The following C6orf15 variants were observed in gnomAD, a reference collection of about 807,000 sequenced individuals.
The protein encoded by C6orf15 is chromosome 6 open reading frame 15, also known as uncharacterized protein C6orf15.
C6orf15 carries 5 observed loss-of-function variants against 2.8 expected under a neutral mutation model. That is an observed-to-expected ratio of 1.80 (90% CI 0.94 to 3.78). C6orf15 has a LOEUF of 3.78. Among genes scored for constraint, C6orf15 ranks in the 30% most tolerant of loss-of-function variants. The pLI is 0.00. For synonymous variants in C6orf15, 145 were observed against 163.2 expected, an observed-to-expected ratio of 0.89 and a Z score of 0.85; for missense variants, 363 against 418.8, an observed-to-expected ratio of 0.87 and a Z score of 1.16.
In C6orf15 at chr6:31,111,279, G is replaced by A. The variant is rs1020170515; in HGVS notation, c.*102C>T. On this transcript the variant is annotated 3_prime_UTR_variant, in exon 2 of 2. Transcript: ENST00000259870. ...AGCAGGGGAGGCACTGAAAAGTGGG[G>A]ATAGTGCTGGAAACATGCTGACAGG... 8 of 1,046,738 alleles carry A rather than the reference G, an allele frequency of 7.6e-6. No individual in the cohort carries two copies. Among genetic ancestry groups the A allele is most frequent in the Non-Finnish European group, 1.1e-5 (8 of 733,488 alleles). 64.8% of individuals were successfully genotyped at this position (1,046,738 alleles called of 1,614,324 possible). A position where few individuals can be genotyped will look rare whatever the true frequency, so the allele number is the denominator to read the frequency against.
At position 31,112,474 on chromosome 6, in the gene C6orf15, T is replaced by A; in HGVS notation, c.67+15A>T. 6.5e-7 allele frequency: 1 copy of A among 1,546,886 alleles called. No homozygotes were observed. Among genetic ancestry groups the A allele is most frequent in the East Asian group, 2.4e-5 (1 of 41,188 alleles). ...CTCCAGTCCCTCCTGCCCAAGGGCATCACGGCCTCCATACCTGGGAGATGA... is the reference window on the plus strand; with the variant it reads ...CTCCAGTCCCTCCTGCCCAAGGGCAACACGGCCTCCATACCTGGGAGATGA... On this transcript the variant is annotated intron_variant, in intron 1 of 1. Transcript: ENST00000259870.
intron 1 of C6orf15, 29 bp from the exon 2 acceptor site, chr6:31,112,320 G>T (rs757615569): frequency 2.5e-6 from 4 of 1,581,584 alleles, no homozygotes; most frequent in African/African-American, 1.3e-5. Flanking sequence ...AAAGCAACCA[G>T]TGGTCTCCAG....
In C6orf15 at chr6:31,112,277, T is replaced by C. The variant is rs1771830046; in HGVS notation, c.82A>G (p.Ser28Gly). 1.2e-6 allele frequency: 2 copies of C among 1,611,514 alleles called. No homozygotes were observed. Among genetic ancestry groups the C allele is most frequent in the Non-Finnish European group, 1.7e-6 (2 of 1,178,652 alleles). ...ACTTTCTCCTCCACAACACCGATGC[T>C]CCGGGCAAAGAGGCCTGAGGGAAAG... ...CLHLPGLFAR[S>G]IGVVEEKVSQ... Residue 28 changes from serine (S) to glycine (G), a missense_variant, in exon 2 of 2, where the codon AGC (serine) becomes GGC (glycine). Coordinates refer to ENST00000259870, the MANE Select transcript of C6orf15 (RefSeq NM_014070.3).
At chr6:31,112,320 G>A in intron 1 of C6orf15, 29 bp from the exon 2 acceptor site, 1 of 1,581,584 alleles carries the variant, frequency 6.3e-7, no homozygotes, top group Non-Finnish European at 8.6e-7. Context: ...AAAGCAACCA[G>A]TGGTCTCCAG....
Position 31,111,745 on chromosome 6 carries a change from G to A in C6orf15, c.614C>T (p.Pro205Leu), listed in dbSNP as rs1022704653. The A allele has an allele frequency of 8.1e-6, 13 of 1,612,488 alleles. No individual in the cohort carries two copies. The highest frequency in any genetic ancestry group is 1.1e-5 in the Non-Finnish European group (13 of 1,179,720). The change falls in exon 2 of 2, where the codon CCT (proline) becomes CTT (leucine). Residue 205 changes from proline (P) to leucine (L), a missense_variant. Coordinates refer to ENST00000259870, the MANE Select transcript of C6orf15 (RefSeq NM_014070.3). ...PPWSLIHRVL[P>L]DHPWGTLNPS... ...ATTCAGGGTACCCCAGGGGTGATCAGGCAGAACCCTGTGGATGAGAGACCA... is the reference window on the plus strand; with the variant it reads ...ATTCAGGGTACCCCAGGGGTGATCAAGCAGAACCCTGTGGATGAGAGACCA...
rs1312940794 is a variant in C6orf15 at position 31,112,528 on chromosome 6, C to T, written c.28G>A (p.Ala10Thr). Residue 10 changes from alanine (A) to threonine (T), a missense_variant, in exon 1 of 2, where the codon GCT becomes ACT. By Grantham distance (58) the Ala-to-Thr change is moderately conservative. Coordinates refer to ENST00000259870, the MANE Select transcript of C6orf15 (RefSeq NM_014070.3). Reference sequence around the variant, plus strand: ...CAGACCAGGAGCAGGCCCAGAGGAGCGCAGCTCCCTGCCACGCGGCCCTGC... The same window carrying T: ...CAGACCAGGAGCAGGCCCAGAGGAGTGCAGCTCCCTGCCACGCGGCCCTGC... The part of the protein sequence containing the change: MQGRVAGSC[A>T]PLGLLLVCLH... 2.1e-5 allele frequency: 33 copies of T among 1,551,246 alleles called. No individual in the cohort carries two copies. Among genetic ancestry groups the T allele is most frequent in the African/African-American group, 5.5e-5 (4 of 73,094 alleles).
At position 31,111,742 on chromosome 6, in the gene C6orf15, T is replaced by G; in HGVS notation, c.617A>C (p.Asp206Ala). The G allele has an allele frequency of 6.2e-7, 1 of 1,611,894 alleles. No homozygotes were observed. Among genetic ancestry groups the G allele is most frequent in the East Asian group, 2.2e-5 (1 of 44,834 alleles). The change falls in exon 2 of 2, where the codon GAT (aspartate) becomes GCT (alanine). Residue 206 changes from aspartate (D) to alanine (A), a missense_variant. Asp to Ala is a moderately radical substitution (Grantham distance 126). Transcript: ENST00000259870. Reference sequence around the variant, plus strand: ...GGGATTCAGGGTACCCCAGGGGTGATCAGGCAGAACCCTGTGGATGAGAGA... The same window carrying G: ...GGGATTCAGGGTACCCCAGGGGTGAGCAGGCAGAACCCTGTGGATGAGAGA... The part of the protein sequence containing the change: ...PWSLIHRVLP[D>A]HPWGTLNPSV...
intron 1 of C6orf15, 96 bp from the exon 2 acceptor site, chr6:31,112,387 G>A (rs1361300212): frequency 2.0e-6 from 3 of 1,465,812 alleles, no homozygotes; most frequent in Non-Finnish European, 2.8e-6. Context: ...TTTTCCCTCA[G>A]GGACCTAAAT....
In C6orf15 at chr6:31,111,319, C is replaced by T; in HGVS notation, c.*62G>A. 3 of 1,438,764 alleles carry T rather than the reference C, an allele frequency of 2.1e-6. No individual in the cohort carries two copies. The highest frequency in any genetic ancestry group is 4.5e-5 in the Admixed American group (2 of 44,398). 89.1% of individuals were successfully genotyped at this position (1,438,764 alleles called of 1,614,324 possible). A position where few individuals can be genotyped will look rare whatever the true frequency, so the allele number is the denominator to read the frequency against. On this transcript the variant is annotated 3_prime_UTR_variant, in exon 2 of 2. Transcript: ENST00000259870. ...ATGCTGACAGGGCCTGGATTGAGCC[C>T]ACACAGCAAGGGGCGGGAGCAGGAC...
Position 31,111,379 on chromosome 6 carries a change from C to T in C6orf15, c.*2G>A. The T allele has an allele frequency of 6.3e-7, 1 of 1,591,708 alleles. No homozygotes were observed. Among genetic ancestry groups the T allele is most frequent in the Non-Finnish European group, 8.6e-7 (1 of 1,165,542 alleles). Reference sequence around the variant, plus strand: ...CAATGTTGGGTTTCCCTCTATCGTGCTCTAGCCCCACTGCAACCTAGGGCT... The same window carrying T: ...CAATGTTGGGTTTCCCTCTATCGTGTTCTAGCCCCACTGCAACCTAGGGCT... On this transcript the variant is annotated 3_prime_UTR_variant, in exon 2 of 2. Coordinates refer to ENST00000259870, the MANE Select transcript of C6orf15 (RefSeq NM_014070.3).
Position 31,112,195 on chromosome 6 carries a change from G to C in C6orf15, c.164C>G (p.Pro55Arg). 6.2e-7 allele frequency: 1 copy of C among 1,614,146 alleles called. No individual in the cohort carries two copies. The highest frequency in any genetic ancestry group is 8.5e-7 in the Non-Finnish European group (1 of 1,180,018). The change falls in exon 2 of 2, where the codon CCC (proline) becomes CGC (arginine). Residue 55 changes from proline (P) to arginine (R), a missense_variant. Pro to Arg is a moderately radical substitution (Grantham distance 103). Coordinates refer to ENST00000259870, the MANE Select transcript of C6orf15 (RefSeq NM_014070.3). ...GGGCTGCGGATGTTCAGAGTTAGAG[G>C]GGCCAGTGGAGGAAGGTTGTCCGAG... The part of the protein sequence containing the change: ...PQLGQPSSTG[P>R]SNSEHPQPAL...
chr6:31,112,270 C>T lies in C6orf15; in HGVS notation c.89G>A (p.Gly30Asp), dbSNP rs1406487791. 1 of 1,612,194 alleles carries T rather than the reference C, an allele frequency of 6.2e-7. No homozygotes were observed. Among genetic ancestry groups the T allele is most frequent in the Middle Eastern group, 1.7e-4 (1 of 6,050 alleles). ...TTGGGAAACTTTCTCCTCCACAACA[C>T]CGATGCTCCGGGCAAAGAGGCCTGA... is the stretch of plus-strand genomic sequence containing the variant. ...HLPGLFARSI[G>D]VVEEKVSQNL... The change falls in exon 2 of 2, where the codon GGT becomes GAT. Residue 30 changes from glycine (G) to aspartate (D), a missense_variant. Transcript: ENST00000259870.
Position 31,111,349 on chromosome 6 carries a change from AC to A in C6orf15, c.*31del, listed in dbSNP as rs1429219191. 1 of 1,531,974 alleles carries A rather than the reference AC, an allele frequency of 6.5e-7. No individual in the cohort carries two copies. The highest frequency in any genetic ancestry group is 1.9e-5 in the Admixed American group (1 of 52,228). The allele number at this position is 1,531,974 out of a possible 1,614,324, so 94.9% of individuals were successfully genotyped here. On this transcript the variant is annotated 3_prime_UTR_variant, in exon 2 of 2. Coordinates refer to ENST00000259870, the MANE Select transcript of C6orf15 (RefSeq NM_014070.3). The stretch of plus-strand genomic sequence containing the variant: ...AGCAAGGGGCGGGAGCAGGACTCTA[AC>A]TCCCAATGTTGGGTTTCCCTCTATC...
Position 31,112,143 on chromosome 6 carries a change from C to T in C6orf15, c.216G>A (p.Leu72=). Residue 72 remains leucine, a synonymous_variant, in exon 2 of 2, where the codon TTG becomes TTA. Coordinates refer to ENST00000259870, the MANE Select transcript of C6orf15 (RefSeq NM_014070.3). ...CGCTGAGCTTCAGAGGAACCCTTGC[C>T]AAGTCATTAGACCTAGGGTCCAGAG... ...QPALDPRSND[L]ARVPLKLSVP... The T allele has an allele frequency of 2.5e-6, 4 of 1,614,122 alleles. No homozygotes were observed. The highest frequency in any genetic ancestry group is 3.4e-6 in the Non-Finnish European group (4 of 1,180,004).
chr6:31,112,526 A>G lies in C6orf15; in HGVS notation c.30T>C (p.Ala10=). 6.4e-7 allele frequency: 1 copy of G among 1,551,484 alleles called. No individual in the cohort carries two copies. The highest frequency in any genetic ancestry group is 1.4e-5 in the African/African-American group (1 of 73,216). The part of the protein sequence containing the change: MQGRVAGSC[A]PLGLLLVCLH... ...GACAGACCAGGAGCAGGCCCAGAGG[A>G]GCGCAGCTCCCTGCCACGCGGCCCT... Residue 10 remains alanine (A), a synonymous_variant, in exon 1 of 2, where the codon GCT becomes GCC. Coordinates refer to ENST00000259870, the MANE Select transcript of C6orf15 (RefSeq NM_014070.3).
chr6:31,112,346 T>G, intron 1 of C6orf15, 55 bp from the exon 2 acceptor site: 1 of 1,522,646 alleles, frequency 6.6e-7, no homozygotes, highest in Non-Finnish European at 8.9e-7. Context: ...GAGTCCCCAG[T>G]TCCCTTTGCT....
Position 31,111,626 on chromosome 6 carries a change from G to A in C6orf15, c.733C>T (p.Pro245Ser). The A allele has an allele frequency of 6.2e-7, 1 of 1,612,892 alleles. No homozygotes were observed. The highest frequency in any genetic ancestry group is 2.2e-5 in the East Asian group (1 of 44,890). ...ATATTTCCCCAGCTGGTACCTGGGG[G>A]TTGATTATTGATACCCCAGATTCCC... ...PEGIWGINNQ[P>S]PGTSWGNINR... is the part of the protein sequence containing the mutation. Residue 245 changes from proline to serine, a missense_variant, in exon 2 of 2, where the codon CCC becomes TCC. Physicochemically the swap from Pro to Ser is moderately conservative, Grantham distance 74 (BLOSUM62 -1). Transcript: ENST00000259870.
In C6orf15 at chr6:31,111,912, G is replaced by A. The variant is rs767561717; in HGVS notation, c.447C>T (p.Gly149=). 1 of 1,612,970 alleles carries A rather than the reference G, an allele frequency of 6.2e-7. No individual in the cohort carries two copies. The highest frequency in any genetic ancestry group is 8.5e-7 in the Non-Finnish European group (1 of 1,179,968). ...SSAAALAPGS[G]PLPGESSPDA... ...CGGGAGAAGACTCCCCAGGCAAAGG[G>A]CCACTGCCCGGAGCGAGGGCCGCAG... Residue 149 remains glycine (G), a synonymous_variant, in exon 2 of 2, where the codon GGC becomes GGT. Transcript: ENST00000259870.
Sources: allele counts gnomAD v4.1 joint callset, GRCh38; gene constraint gnomAD v4.1.1; transcripts MANE v1.5; gene names NCBI Gene and HGNC (gene_info 2026-07-23, HGNC 2026-07-21).